Variants in KCNQ5 observed in about 807,000 individuals in gnomAD.
The protein encoded by KCNQ5 is potassium voltage-gated channel subfamily KQT member 5.
KCNQ5 carries 30 observed loss-of-function variants against 98.2 expected under a neutral mutation model. The observed-to-expected ratio is 0.31, with a 90% CI of 0.23 to 0.41. The LOEUF is 0.41. Ranked by LOEUF, KCNQ5 falls within the 10% of genes least tolerant of loss-of-function variation. KCNQ5 has a pLI of 1.00. For synonymous variants in KCNQ5, 458 were observed against 449.4 expected (o/e 1.02, Z -0.24); for missense variants, 835 against 1,182.5 (o/e 0.71, Z 4.31).
intron 10 of KCNQ5, among the ~76,000 whole-genome samples, chr6:73,137,509 C>T (rs1776520518): frequency 6.6e-6 from 1 of 152,160 alleles, no homozygotes; most frequent in African/African-American, 2.4e-5. Context: ...CAGTATGTAA[C>T]CCTCTTCACA....
chr6:72,775,437 A>T lies in KCNQ5; in HGVS notation c.398+152850A>T, dbSNP rs558696339. 3.9e-5 allele frequency among the ~76,000 whole-genome samples: 6 copies of T among 152,328 alleles called. No individual in the cohort carries two copies. In the South Asian group the frequency reaches 1.0e-3, roughly 26 times the overall value. On this transcript the variant is annotated intron_variant, in intron 1 of 13. Transcript: ENST00000370398. The stretch of plus-strand genomic sequence containing the variant: ...ATACAAATAAGTGATTGAATAAATT[A>T]ATCAGTGAAGGAGAAGAGACACATT...
At chr6:72,702,233 G>A (rs956447669) in intron 1 of KCNQ5, among the ~76,000 whole-genome samples, 1 of 152,128 alleles carries the variant, frequency 6.6e-6, no homozygotes, top group South Asian at 2.1e-4. Context: ...AAACAAATGA[G>A]TTTTCAATAA....
chr6:73,133,595 G>T lies in KCNQ5; in HGVS notation c.1422G>T (p.Arg474=). The T allele has an allele frequency of 1.2e-6, 2 of 1,614,188 alleles. No individual in the cohort carries two copies. Among genetic ancestry groups the T allele is most frequent in the Middle Eastern group, 1.7e-4 (1 of 6,060 alleles). Reference sequence around the variant, plus strand: ...GCTTCAACGACCGAACCCGCTTCCGGCCCTCGCTGCGCCTCAAAAGTTCTC... The same window carrying T: ...GCTTCAACGACCGAACCCGCTTCCGTCCCTCGCTGCGCCTCAAAAGTTCTC... ...SWSFNDRTRF[R]PSLRLKSSQP... is the part of the protein sequence containing the mutation. Residue 474 remains arginine (R), a synonymous_variant, in exon 10 of 14, where the codon CGG becomes CGT. Transcript: ENST00000370398.
intron 1 of KCNQ5, among the ~76,000 whole-genome samples, chr6:72,863,803 T>G (rs965386945): frequency 3.3e-5 from 5 of 152,332 alleles, no homozygotes; most frequent in African/African-American, 1.2e-4. Flanking sequence ...TTGAACTGTT[T>G]GAAATGTAAT....
chr6:72,655,818 A>G (rs1272560150), intron 1 of KCNQ5, among the ~76,000 whole-genome samples: 31 of 152,150 alleles, frequency 2.0e-4, no homozygotes, highest in Admixed American at 2.0e-3. Context: ...TTTGACACCA[A>G]TGCATAGTAT....
chr6:72,965,926 T>C lies in KCNQ5; in HGVS notation c.399-37982T>C, dbSNP rs1305951649. On this transcript the variant is annotated intron_variant, in intron 1 of 13. Transcript: ENST00000370398. ...TATGTGGAAGTGCTATTTGTGTTTA[T>C]GCAGATCAACCTCTTGGTTTTACAG... Among the ~76,000 whole-genome samples, 4 of 152,194 alleles carry C rather than the reference T, an allele frequency of 2.6e-5. No homozygotes were observed. In the South Asian group the frequency reaches 6.2e-4, roughly 24 times the overall value.
At chr6:73,009,463 T>G (rs957654711) in intron 2 of KCNQ5, among the ~76,000 whole-genome samples, 1 of 151,950 alleles carries the variant, frequency 6.6e-6, no homozygotes, top group Non-Finnish European at 1.5e-5. Flanking sequence ...ATCAGCAACT[T>G]CATTTTACAA....
intron 1 of KCNQ5, among the ~76,000 whole-genome samples, chr6:72,821,620 T>G (rs2150114210): frequency 6.6e-6 from 1 of 151,826 alleles, no homozygotes; most frequent in South Asian, 2.1e-4. Flanking sequence ...TTTTGTTTGG[T>G]TTTGTTTTTT....
intron 1 of KCNQ5, among the ~76,000 whole-genome samples, chr6:72,626,283 GC>G (rs1273903725): frequency 6.6e-6 from 1 of 152,236 alleles, no homozygotes. Context: ...TGAGGTGTAA[GC>G]TGAGTTTCCA....
intron 1 of KCNQ5, among the ~76,000 whole-genome samples, chr6:72,803,234 C>G (rs1274202995): frequency 6.6e-6 from 1 of 152,142 alleles, no homozygotes; most frequent in Non-Finnish European, 1.5e-5. Context: ...ATGCCACGTA[C>G]ACGTTCATTC....
chr6:73,072,832 T>C (rs1424082988), intron 3 of KCNQ5, among the ~76,000 whole-genome samples: 1 of 152,192 alleles, frequency 6.6e-6, no homozygotes, highest in African/African-American at 2.4e-5. Flanking sequence ...TCTTCACTAC[T>C]TCCCAACTTG....
At chr6:73,051,705 C>CA (rs201199934) in intron 3 of KCNQ5, among the ~76,000 whole-genome samples, 5 of 97,174 alleles carry the variant, frequency 5.1e-5, no homozygotes, top group African/African-American at 2.1e-4. Context: ...AAGATAGAGG[C>CA]AAAAAAAAAA....
intron 1 of KCNQ5, among the ~76,000 whole-genome samples, chr6:72,846,615 G>A (rs1777033009): frequency 6.6e-6 from 1 of 152,078 alleles, no homozygotes; most frequent in Admixed American, 6.6e-5. Context: ...GGAGGTCAAG[G>A]CTATAGTGAG....
chr6:73,156,876 G>A (rs962544313), intron 10 of KCNQ5, among the ~76,000 whole-genome samples: 1 of 152,166 alleles, frequency 6.6e-6, no homozygotes, highest in Admixed American at 6.5e-5. Context: ...TGGCGCATCC[G>A]AGGAGATAGG....
Position 73,133,502 on chromosome 6 carries a change from T to C in KCNQ5, c.1329T>C (p.Gly443=), listed in dbSNP as rs1776324992. The change falls in exon 10 of 14, where the codon GGT becomes GGC. Residue 443 remains glycine, a synonymous_variant. Transcript: ENST00000370398. ...TTAAGAGCCGACAAGCCTCAGTAGG[T>C]GACAGGAGGTCCCCAAGCACCGACA... is the stretch of plus-strand genomic sequence containing the variant. ...QSIKSRQASV[G]DRRSPSTDIT... The C allele has an allele frequency of 1.9e-6, 3 of 1,613,992 alleles. No individual in the cohort carries two copies. Among genetic ancestry groups the C allele is most frequent in the African/African-American group, 2.7e-5 (2 of 74,886 alleles).
At chr6:72,932,300 C>T (rs1037336619) in intron 1 of KCNQ5, among the ~76,000 whole-genome samples, 6 of 151,716 alleles carry the variant, frequency 4.0e-5, no homozygotes, top group Admixed American at 1.3e-4. Flanking sequence ...GTGTGATGAG[C>T]GTGGCAGGGA....
At chr6:73,133,680 G>A (rs1776335622) in intron 10 of KCNQ5, 39 bp downstream of exon 10, 1 of 1,541,156 alleles carries the variant, frequency 6.5e-7, no homozygotes, top group South Asian at 1.1e-5. Context: ...TAATTGGATA[G>A]GCTATAGTGA....
chr6:73,165,804 GT>G (rs1264848267), intron 10 of KCNQ5, among the ~76,000 whole-genome samples: 5 of 152,030 alleles, frequency 3.3e-5, no homozygotes, highest in African/African-American at 1.2e-4. Context: ...AATTAGCCGT[GT>G]GTGGTGGTGG....
intron 1 of KCNQ5, among the ~76,000 whole-genome samples, chr6:72,672,870 A>C (rs971701620): frequency 9.9e-5 from 15 of 152,218 alleles, no homozygotes; most frequent in African/African-American, 3.4e-4. Flanking sequence ...AGGAATGATA[A>C]AAAGCACTTG....
Sources: allele counts gnomAD v4.1 joint callset (sites outside exome capture counted in the v4.1 genomes callset), GRCh38; gene constraint gnomAD v4.1.1; transcripts MANE v1.5; gene names NCBI Gene and HGNC (gene_info 2026-07-23, HGNC 2026-07-21).